Variants in TDRD7 observed in about 807,000 individuals in gnomAD.
The protein encoded by TDRD7 is tudor domain containing 7.
Under a neutral mutation model 109.8 loss-of-function variants are expected in TDRD7, and 47 were observed. That is an observed-to-expected ratio of 0.43 (90% CI 0.34 to 0.55). The LOEUF (loss-of-function observed/expected upper bound fraction) is 0.55. Ranked by LOEUF, TDRD7 falls within the 20% of genes least tolerant of loss-of-function variation. The pLI is 0.03. For synonymous variants in TDRD7, 424 were observed against 457.3 expected (o/e 0.93, Z 0.93); for missense variants, 1,164 against 1,319.2 (o/e 0.88, Z 1.82).
chr9:97,472,613 GA>G, intron 10 of TDRD7, 118 bp downstream of exon 10: 3 of 887,740 alleles, frequency 3.4e-6, no homozygotes, highest in Non-Finnish European at 3.6e-6. Context: ...ACATTGAGGG[GA>G]AAAAAGGAGG....
intron 6 of TDRD7, among the ~76,000 whole-genome samples, chr9:97,454,989 G>T (rs1228621709): frequency 6.6e-6 from 1 of 152,034 alleles, no homozygotes; most frequent in African/African-American, 2.4e-5. Context: ...AACGATAAAG[G>T]GGATATCACC....
chr9:97,490,247 G>A (rs1221373483), intron 16 of TDRD7, among the ~76,000 whole-genome samples: 3 of 152,114 alleles, frequency 2.0e-5, no homozygotes, highest in Non-Finnish European at 4.4e-5. Flanking sequence ...CAAGGCAGGT[G>A]TGCTGGCAAC....
intron 7 of TDRD7, among the ~76,000 whole-genome samples, chr9:97,460,969 G>A (rs1241623907): frequency 4.6e-5 from 7 of 151,860 alleles, no homozygotes; most frequent in Admixed American, 2.0e-4. Flanking sequence ...GCGAAACCCC[G>A]TCTCTACTAA....
intron 8 of TDRD7, among the ~76,000 whole-genome samples, chr9:97,470,092 A>G (rs1828885572): frequency 6.6e-6 from 1 of 152,244 alleles, no homozygotes; most frequent in Non-Finnish European, 1.5e-5. Context: ...TTGGGGATTT[A>G]GAATCTGATA....
intron 12 of TDRD7, among the ~76,000 whole-genome samples, chr9:97,476,395 G>A (rs1450100186): frequency 2.0e-5 from 3 of 152,008 alleles, no homozygotes; most frequent in Non-Finnish European, 4.4e-5. Flanking sequence ...AAAAAGGCAA[G>A]TTTTGGATTT....
chr9:97,490,452 A>G (rs1370623079), intron 16 of TDRD7, among the ~76,000 whole-genome samples: 3 of 148,884 alleles, frequency 2.0e-5, no homozygotes, highest in Admixed American at 6.7e-5. Flanking sequence ...TTGTTCTTCT[A>G]TGGATAAGGT....
In TDRD7 at chr9:97,453,529, T is replaced by G. The variant is rs79303915; in HGVS notation, c.856-6649T>G. 8.3e-3 allele frequency among the ~76,000 whole-genome samples: 1,252 copies of G among 151,396 alleles called. 44 individuals carry two copies. In the East Asian group the frequency reaches 0.11, roughly 13 times the overall value. On this transcript the variant is annotated intron_variant, in intron 6 of 16. Transcript: ENST00000355295. ...AGGCTGGCATGACTCACAGAGAGAA[T>G]GAAGAACAGTATGGTACGGCAGCCC... is the stretch of plus-strand genomic sequence containing the variant.
chr9:97,415,514 T>C (rs1827797377), intron 1 of TDRD7, among the ~76,000 whole-genome samples: 1 of 152,230 alleles, frequency 6.6e-6, no homozygotes, highest in Non-Finnish European at 1.5e-5. Flanking sequence ...GAGAATTATT[T>C]TAGGCCACTT....
At chr9:97,459,042 T>G (rs955683111) in intron 6 of TDRD7, among the ~76,000 whole-genome samples, 1 of 152,174 alleles carries the variant, frequency 6.6e-6, no homozygotes, top group African/African-American at 2.4e-5. Context: ...AGCTAAGGGG[T>G]AGGTAAAATA....
Position 97,495,799 on chromosome 9 carries a change from A to C in TDRD7, c.3213A>C (p.Leu1071Phe). 1.2e-6 allele frequency: 2 copies of C among 1,614,196 alleles called. No individual in the cohort carries two copies. Among genetic ancestry groups the C allele is most frequent in the Non-Finnish European group, 1.7e-6 (2 of 1,180,010 alleles). ...GGGACCGGAAAGTAGTGGTCTACTTAGTGGACACATCGTTGCCAGACACCG... is the reference window on the plus strand; with the variant it reads ...GGGACCGGAAAGTAGTGGTCTACTTCGTGGACACATCGTTGCCAGACACCG... ...NPWDRKVVVYLVDTSLPDTDT... is the reference protein window; with the variant it reads ...NPWDRKVVVYFVDTSLPDTDT... The change falls in exon 17 of 17, where the codon TTA becomes TTC. Residue 1071 changes from leucine (L) to phenylalanine (F), a missense_variant. By Grantham distance (22) the Leu-to-Phe change is conservative. Transcript: ENST00000355295.
chr9:97,487,375 A>G (rs1829229663), intron 16 of TDRD7, 43 bp downstream of exon 16: 1 of 1,612,756 alleles, frequency 6.2e-7, no homozygotes, highest in Admixed American at 1.7e-5. Context: ...ACAATGCAAT[A>G]TTGTCATTTT....
At chr9:97,414,960 T>C (rs908554913) in intron 1 of TDRD7, among the ~76,000 whole-genome samples, 30 of 152,186 alleles carry the variant, frequency 2.0e-4, no homozygotes, top group African/African-American at 7.2e-4. Flanking sequence ...ATGCCTAAAA[T>C]GTGTCAGCAC....
At chr9:97,459,100 C>A (rs879329390) in intron 6 of TDRD7, among the ~76,000 whole-genome samples, 6 of 152,180 alleles carry the variant, frequency 3.9e-5, no homozygotes, top group Admixed American at 3.9e-4. Context: ...ATTTTAACTT[C>A]AGTCTAATGG....
At chr9:97,489,105 G>T (rs1012569820) in intron 16 of TDRD7, among the ~76,000 whole-genome samples, 1 of 152,164 alleles carries the variant, frequency 6.6e-6, no homozygotes, top group Non-Finnish European at 1.5e-5. Flanking sequence ...TGAGAAGAAT[G>T]TATAATCTGC....
At chr9:97,469,465 C>G (rs987772110) in intron 8 of TDRD7, among the ~76,000 whole-genome samples, 3 of 152,092 alleles carry the variant, frequency 2.0e-5, no homozygotes, top group Admixed American at 2.0e-4. Flanking sequence ...CCCTTAGATT[C>G]TCTGCTGGGA....
Position 97,460,696 on chromosome 9 carries a change from G to A in TDRD7, c.1374G>A (p.Met458Ile), listed in dbSNP as rs1360572984. ...FMEDITVPPL[M>I]IPTEASPSVL... Reference sequence around the variant, plus strand: ...AGGACATAACAGTTCCTCCTTTAATGATTCCAACTGAAGCATCACCATCTG... The same window carrying A: ...AGGACATAACAGTTCCTCCTTTAATAATTCCAACTGAAGCATCACCATCTG... Residue 458 changes from methionine (M) to isoleucine (I), a missense_variant, in exon 7 of 17, where the codon ATG becomes ATA. Coordinates refer to ENST00000355295, the MANE Select transcript of TDRD7 (RefSeq NM_014290.3). 2 of 1,614,188 alleles carry A rather than the reference G, an allele frequency of 1.2e-6. No homozygotes were observed. The highest frequency in any genetic ancestry group is 1.7e-6 in the Non-Finnish European group (2 of 1,180,042).
intron 6 of TDRD7, 37 bp downstream of exon 6, chr9:97,441,912 T>G: frequency 6.4e-7 from 1 of 1,554,306 alleles, no homozygotes; most frequent in Non-Finnish European, 8.9e-7. Context: ...TGATACCTCC[T>G]CCCTGCCCAA....
intron 6 of TDRD7, among the ~76,000 whole-genome samples, chr9:97,443,752 T>C (rs1238126383): frequency 2.0e-5 from 3 of 152,234 alleles, no homozygotes; most frequent in Non-Finnish European, 4.4e-5. Flanking sequence ...AGGGGATACC[T>C]GTGCAGGTTT....
chr9:97,484,408 T>G (rs1358996163), intron 15 of TDRD7, among the ~76,000 whole-genome samples: 1 of 151,866 alleles, frequency 6.6e-6, no homozygotes, highest in East Asian at 1.9e-4. Flanking sequence ...GCCAGCTTGC[T>G]TAGGAGAAAT....
Sources: allele counts gnomAD v4.1 joint callset (sites outside exome capture counted in the v4.1 genomes callset), GRCh38; gene constraint gnomAD v4.1.1; transcripts MANE v1.5; gene names NCBI Gene and HGNC (gene_info 2026-07-23, HGNC 2026-07-21).